ABCB10: variants seen among roughly 807,000 people sequenced by gnomAD.
The protein encoded by ABCB10 is ATP-binding cassette sub-family B member 10, mitochondrial.
In ABCB10, 54 loss-of-function variants were observed where a neutral mutation model predicts 65.4. The observed-to-expected ratio is 0.83, with a 90% CI of 0.66 to 1.04. The LOEUF is 1.04. ABCB10 is among the 50% of genes least tolerant of loss of function. ABCB10 has a pLI of 0.00. For synonymous variants in ABCB10, 418 were observed against 406.5 expected, an observed-to-expected ratio of 1.03 and a Z score of -0.34; for missense variants, 846 against 976.6, an observed-to-expected ratio of 0.87 and a Z score of 1.78.
chr1:229,558,197 G>A lies in ABCB10; in HGVS notation c.456C>T (p.Ala152=), dbSNP rs1217585642. ...GGAGCTTCCGGGCCTCCGGGAGTCC[G>A]GCCGCTGCGGGGCGCAGCCGCCCCT... The part of the protein sequence containing the change: ...GDKGRLRPAA[A]GLPEARKLLG... The change falls in exon 1 of 13, where the codon GCC becomes GCT. Residue 152 remains alanine, a synonymous_variant. Coordinates refer to ENST00000344517, the MANE Select transcript of ABCB10 (RefSeq NM_012089.3). 1.7e-5 allele frequency: 24 copies of A among 1,424,628 alleles called. No individual in the cohort carries two copies. Among genetic ancestry groups the A allele is most frequent in the Admixed American group, 5.6e-5 (2 of 35,798 alleles). 88.2% of individuals were successfully genotyped at this position (1,424,628 alleles called of 1,614,324 possible).
At chr1:229,540,807 C>A in intron 4 of ABCB10, 55 bp from the exon 5 acceptor site, 1 of 1,513,216 alleles carries the variant, frequency 6.6e-7, no homozygotes, top group Middle Eastern at 1.8e-4. Flanking sequence ...TCAAGAGCTT[C>A]TAAGAAGGAA....
In ABCB10 at chr1:229,518,066, G is replaced by A. The variant is rs1343552579; in HGVS notation, c.*113C>T. On this transcript the variant is annotated 3_prime_UTR_variant, in exon 13 of 13. Transcript: ENST00000344517. ...CTTTTACACACTTTGGAAAAAAATA[G>A]GTATTTTTCAAATAACTTGATATAT... The A allele has an allele frequency of 5.4e-6, 4 of 742,566 alleles. No homozygotes were observed. Among genetic ancestry groups the A allele is most frequent in the East Asian group, 2.7e-5 (1 of 37,590 alleles). The allele number at this position is 742,566 out of a possible 1,614,324, so 46.0% of individuals were successfully genotyped here.
intron 7 of ABCB10, 119 bp from the exon 8 acceptor site, chr1:229,530,527 T>C (rs1662559257): frequency 4.8e-6 from 5 of 1,045,504 alleles, no homozygotes; most frequent in East Asian, 2.4e-5. Context: ...AATCCTGGTA[T>C]ATGAGCTCTT....
intron 1 of ABCB10, 34 bp downstream of exon 1, chr1:229,558,101 GC>G: frequency 7.5e-7 from 1 of 1,327,372 alleles, no homozygotes; most frequent in Non-Finnish European, 9.6e-7. Context: ...AGAAGGAGAG[GC>G]CCGGCGGAGG....
chr1:229,535,831 T>C (rs1229851036), intron 6 of ABCB10, among the ~76,000 whole-genome samples: 1 of 151,812 alleles, frequency 6.6e-6, no homozygotes, highest in Non-Finnish European at 1.5e-5. Context: ...GTTCAAGCAA[T>C]TCTCCTGTCT....
chr1:229,534,748 G>A (rs1338385820), intron 6 of ABCB10, among the ~76,000 whole-genome samples: 11 of 151,558 alleles, frequency 7.3e-5, no homozygotes, highest in East Asian at 1.9e-4. Flanking sequence ...GCACGCACCC[G>A]TAGTCCCAGC....
intron 5 of ABCB10, among the ~76,000 whole-genome samples, chr1:229,539,838 A>C (rs541862588): frequency 6.6e-6 from 1 of 152,342 alleles, no homozygotes; most frequent in South Asian, 2.1e-4. Flanking sequence ...TATCCCATCT[A>C]CTCAGTTTGC....
At chr1:229,536,050 G>A (rs1052810348) in intron 6 of ABCB10, among the ~76,000 whole-genome samples, 2 of 152,088 alleles carry the variant, frequency 1.3e-5, no homozygotes, top group African/African-American at 4.8e-5. Flanking sequence ...TGCATCAAAT[G>A]TACCACTCTG....
At chr1:229,540,504 T>C in intron 5 of ABCB10, 102 bp downstream of exon 5, 1 of 1,249,642 alleles carries the variant, frequency 8.0e-7, no homozygotes, top group Non-Finnish European at 1.1e-6. Context: ...ACTAAAATTT[T>C]AAAAATTAAA....
intron 4 of ABCB10, 94 bp downstream of exon 4, chr1:229,542,143 A>C: frequency 6.9e-7 from 1 of 1,453,844 alleles, no homozygotes; most frequent in Non-Finnish European, 9.1e-7. Flanking sequence ...CACTTCATTG[A>C]AAAACCTAAG....
intron 3 of ABCB10, among the ~76,000 whole-genome samples, chr1:229,545,986 A>G (rs964331822): frequency 2.0e-5 from 3 of 152,170 alleles, no homozygotes; most frequent in Non-Finnish European, 2.9e-5. Context: ...CCTGGCCAAC[A>G]TAGTGAAACC....
chr1:229,549,232 A>C lies in ABCB10; in HGVS notation c.718+2T>G, dbSNP rs751029501. On this transcript the variant is annotated splice_donor_variant, in intron 2 of 12. Coordinates refer to ENST00000344517, the MANE Select transcript of ABCB10 (RefSeq NM_012089.3). LOFTEE classifies it high-confidence loss of function. ...CACATCCCTGAGAGGAGAGACTGTT[A>C]CCTGAAGTTTGCATGAGGTAGACAC... The C allele has an allele frequency of 2.6e-5, 42 of 1,613,830 alleles. No homozygotes were observed. Among genetic ancestry groups the C allele is most frequent in the Non-Finnish European group, 3.5e-5 (41 of 1,179,914 alleles).
intron 1 of ABCB10, among the ~76,000 whole-genome samples, chr1:229,550,400 C>T (rs1259547215): frequency 6.6e-6 from 1 of 151,842 alleles, no homozygotes; most frequent in Non-Finnish European, 1.5e-5. Flanking sequence ...TAGCATGCAC[C>T]TGTAGTCCCA....
At position 229,521,464 on chromosome 1, in the gene ABCB10, C is replaced by T. The variant is rs1662313015; in HGVS notation, c.1950+128G>A. 6 of 1,042,576 alleles carry T rather than the reference C, an allele frequency of 5.8e-6. No homozygotes were observed. The African/African-American group carries it at 6.5e-5, about 11-fold the overall frequency. 64.6% of individuals were successfully genotyped at this position (1,042,576 alleles called of 1,614,324 possible). ...ACCTTTCACCAGAACTGTCACCCTCCCACTCCAAGAAAAAAAAAAAAACAA... is the reference window on the plus strand; with the variant it reads ...ACCTTTCACCAGAACTGTCACCCTCTCACTCCAAGAAAAAAAAAAAAACAA... On this transcript the variant is annotated intron_variant, in intron 11 of 12. Transcript: ENST00000344517.
chr1:229,521,750 GAC>G (rs1310941337), intron 10 of ABCB10, 115 bp from the exon 11 acceptor site: 2 of 950,314 alleles, frequency 2.1e-6, no homozygotes, highest in African/African-American at 1.7e-5. Context: ...AGTCATAGCT[GAC>G]ACAGATAGAC....
At chr1:229,542,661 C>T (rs957863135) in intron 3 of ABCB10, among the ~76,000 whole-genome samples, 7 of 150,958 alleles carry the variant, frequency 4.6e-5, no homozygotes, top group African/African-American at 7.3e-5. Flanking sequence ...GATCAGACCA[C>T]GCGGTTTAAC....
intron 10 of ABCB10, among the ~76,000 whole-genome samples, chr1:229,525,458 G>A (rs1415830481): frequency 6.6e-6 from 1 of 152,006 alleles, no homozygotes; most frequent in Non-Finnish European, 1.5e-5. Context: ...AAAACACTGG[G>A]GAATTTTCCA....
Position 229,549,398 on chromosome 1 carries a change from G to C in ABCB10, c.554C>G (p.Ser185Cys). The change falls in exon 2 of 13, where the codon TCC (serine) becomes TGC (cysteine). Residue 185 changes from serine (S) to cysteine (C), a missense_variant. By Grantham distance (112) the Ser-to-Cys change is moderately radical. Around this residue, in one of 2 missense-constraint regions of ABCB10, gnomAD observed 632 missense variants for 803.2 expected, o/e 0.79. Transcript: ENST00000344517. ...CCCCAGGAAGAAAGGGGCAGACATG[G>C]AGATAACACTGGACATCGTGAGAAA... ...VGFLTMSSVI[S>C]MSAPFFLGKI... 1 of 1,614,196 alleles carries C rather than the reference G, an allele frequency of 6.2e-7. No individual in the cohort carries two copies. The highest frequency in any genetic ancestry group is 1.3e-5 in the African/African-American group (1 of 75,058).
chr1:229,552,340 C>T (rs1182229386), intron 1 of ABCB10, among the ~76,000 whole-genome samples: 5 of 152,208 alleles, frequency 3.3e-5, no homozygotes, highest in Non-Finnish European at 7.3e-5. Context: ...CTGGACACAA[C>T]TGAGCATACT....
Sources: allele counts gnomAD v4.1 joint callset (sites outside exome capture counted in the v4.1 genomes callset), GRCh38; gene constraint gnomAD v4.1.1; regional missense constraint gnomAD v4.1.1; transcripts MANE v1.5; gene names NCBI Gene and HGNC (gene_info 2026-07-23, HGNC 2026-07-21).